NTM: variants seen among roughly 807,000 people sequenced by gnomAD.
NTM encodes IgLON family member 2.
Under a neutral mutation model 42.1 loss-of-function variants are expected in NTM, and 13 were observed. That is an observed-to-expected ratio of 0.31 (90% CI 0.20 to 0.49). The LOEUF is 0.49. NTM is among the 20% of genes least tolerant of loss of function. NTM has a pLI of 0.99. For synonymous variants in NTM, 187 were observed against 179.2 expected (o/e 1.04, Z -0.35); for missense variants, 373 against 452.8 (o/e 0.82, Z 1.60).
chr11:131,606,176 A>G (rs1267878850), intron 1 of NTM, among the ~76,000 whole-genome samples: 1 of 152,088 alleles, frequency 6.6e-6, no homozygotes, highest in Non-Finnish European at 1.5e-5. Context: ...CCCTGGCTCA[A>G]GTGATTTACC....
At chr11:132,004,324 C>T (rs2070190544) in intron 2 of NTM, among the ~76,000 whole-genome samples, 1 of 152,186 alleles carries the variant, frequency 6.6e-6, no homozygotes, top group Admixed American at 6.5e-5. Flanking sequence ...AATCTCATTA[C>T]ATCTGTCAAA....
intron 4 of NTM, among the ~76,000 whole-genome samples, chr11:132,304,383 A>T (rs2140149937): frequency 6.6e-6 from 1 of 150,854 alleles, no homozygotes; most frequent in African/African-American, 2.4e-5. Flanking sequence ...AACCAAGAAT[A>T]TCCTTCAGCA....
intron 7 of NTM, among the ~76,000 whole-genome samples, chr11:132,318,825 A>G (rs2095494890): frequency 6.6e-6 from 1 of 152,108 alleles, no homozygotes; most frequent in Non-Finnish European, 1.5e-5. Flanking sequence ...GCAAACTGTC[A>G]TCAGAGGATG....
intron 1 of NTM, among the ~76,000 whole-genome samples, chr11:131,674,532 C>A (rs1261317397): frequency 3.9e-5 from 6 of 152,226 alleles, no homozygotes; most frequent in African/African-American, 1.4e-4. Context: ...GAGCTGGCCA[C>A]TCGCTGGTAT....
At chr11:131,695,498 A>G (rs1187526466) in intron 1 of NTM, among the ~76,000 whole-genome samples, 1 of 152,218 alleles carries the variant, frequency 6.6e-6, no homozygotes, top group Admixed American at 6.5e-5. Flanking sequence ...GAGAAGTTAC[A>G]TGATTTTCCA....
chr11:132,241,539 A>G (rs1054355358), intron 4 of NTM, among the ~76,000 whole-genome samples: 2 of 152,184 alleles, frequency 1.3e-5, no homozygotes, highest in Admixed American at 6.5e-5. Flanking sequence ...AGGGACATAC[A>G]ATCAGAGTAA....
chr11:131,634,655 G>A (rs1357982603), intron 1 of NTM, among the ~76,000 whole-genome samples: 22 of 129,458 alleles, frequency 1.7e-4, no homozygotes, highest in Non-Finnish European at 2.6e-4. Flanking sequence ...AAAGAAAAAA[G>A]AGTGAGCTTC....
At chr11:131,703,792 G>A (rs765874476) in intron 1 of NTM, among the ~76,000 whole-genome samples, 22 of 152,158 alleles carry the variant, frequency 1.4e-4, no homozygotes, top group Non-Finnish European at 2.5e-4. Context: ...CTTGCATGAG[G>A]GGAAGAGAGC....
chr11:131,457,864 C>G (rs986663202), intron 1 of NTM, among the ~76,000 whole-genome samples: 6 of 148,206 alleles, frequency 4.0e-5, no homozygotes, highest in Non-Finnish European at 8.8e-5. Context: ...CCCGAGAGCT[C>G]TCTTTTTGGC....
chr11:132,314,405 A>ATGGTGTGGTTG, intron 6 of NTM, 147 bp from the exon 7 acceptor site: 1 of 818,528 alleles, frequency 1.2e-6, no homozygotes, highest in Non-Finnish European at 1.8e-6. Context: ...CTACTACATT[A>ATGGTGTGGTTG]TGGTGTGGTT....
chr11:132,061,333 C>A (rs531380837), intron 2 of NTM, among the ~76,000 whole-genome samples: 1 of 152,246 alleles, frequency 6.6e-6, no homozygotes, highest in African/African-American at 2.4e-5. Flanking sequence ...TTATCAACAC[C>A]TTAGGTATTA....
chr11:131,494,318 A>G (rs990677941), intron 1 of NTM, among the ~76,000 whole-genome samples: 3 of 152,150 alleles, frequency 2.0e-5, no homozygotes, highest in Admixed American at 1.3e-4. Context: ...GTGGGAGGAG[A>G]GGGCTATTTG....
intron 1 of NTM, among the ~76,000 whole-genome samples, chr11:131,541,278 C>A (rs2053209349): frequency 6.6e-6 from 1 of 152,200 alleles, no homozygotes; most frequent in South Asian, 2.1e-4. Context: ...CCGAACCCAG[C>A]ACTAACTGAT....
chr11:131,699,627 G>A (rs879922307), intron 1 of NTM, among the ~76,000 whole-genome samples: 1 of 152,136 alleles, frequency 6.6e-6, no homozygotes, highest in African/African-American at 2.4e-5. Context: ...TCACAGTTCA[G>A]CAGGGCTGGG....
chr11:132,292,186 G>A (rs997894920), intron 4 of NTM, among the ~76,000 whole-genome samples: 9 of 152,310 alleles, frequency 5.9e-5, no homozygotes, highest in African/African-American at 2.2e-4. Flanking sequence ...TTGGTTTTTT[G>A]ATAGCGGGAA....
intron 1 of NTM, among the ~76,000 whole-genome samples, chr11:131,433,989 G>A (rs919922870): frequency 1.8e-4 from 27 of 151,978 alleles, no homozygotes; most frequent in African/African-American, 6.3e-4. Context: ...TAGGTTCCCC[G>A]CCCTGTTTCC....
chr11:131,563,579 CTTT>C (rs71911433), intron 1 of NTM, among the ~76,000 whole-genome samples: 6 of 88,770 alleles, frequency 6.8e-5, no homozygotes, highest in African/African-American at 1.4e-4. Flanking sequence ...GCTCCAGACA[CTTT>C]TTTTTTTTTT....
chr11:132,111,257 G>A (rs1025899022), intron 2 of NTM, among the ~76,000 whole-genome samples: 10 of 150,862 alleles, frequency 6.6e-5, no homozygotes, highest in African/African-American at 2.4e-4. Flanking sequence ...TGTTGTGTGT[G>A]TATTTATATA....
intron 1 of NTM, among the ~76,000 whole-genome samples, chr11:131,910,322 C>G (rs1158589594): frequency 6.6e-6 from 1 of 152,156 alleles, no homozygotes; most frequent in Admixed American, 6.5e-5. Flanking sequence ...ATTAAGATGT[C>G]TCAAGTCTGA....
Sources: gnomAD v4.1 joint callset for allele counts (sites outside exome capture counted in the v4.1 genomes callset) on GRCh38, gnomAD v4.1.1 for gene constraint, MANE v1.5 for transcripts, NCBI Gene and HGNC (gene_info 2026-07-23, HGNC 2026-07-21) for gene names.